The following MCUB variants were observed in gnomAD, a reference collection of about 807,000 sequenced individuals.
MCUB encodes mitochondrial calcium uniporter dominant negative subunit beta, also known as calcium uniporter regulatory subunit MCUb, mitochondrial.
MCUB carries 46 observed loss-of-function variants against 41.4 expected under a neutral mutation model. The observed-to-expected ratio is 1.11, with a 90% CI of 0.88 to 1.42. The LOEUF (loss-of-function observed/expected upper bound fraction) is 1.42. Among genes scored for constraint, MCUB ranks in the 40% most tolerant of loss-of-function variants. The pLI, the probability that MCUB is intolerant of heterozygous loss-of-function variation, is 0.00. For missense variants in MCUB, 403 were observed against 404.9 expected, an observed-to-expected ratio of 1.00 and a Z score of 0.04; for synonymous variants, 148 against 148.2, an observed-to-expected ratio of 1.00 and a Z score of 0.01.
In MCUB at chr4:109,571,690, A is replaced by G. The variant is rs141810683; in HGVS notation, c.99+11254A>G. ...ACAGGTCAAGCAGTAGCTCTGCTCC[A>G]CACAGTCATTCAGGGAGCTAAGCTG... On this transcript the variant is annotated intron_variant, in intron 1 of 7. Coordinates refer to ENST00000394650, the MANE Select transcript of MCUB (RefSeq NM_017918.5). Among the ~76,000 whole-genome samples the G allele has an allele frequency of 1.3e-3, 197 of 152,356 alleles. 1 individual carries two copies. Among genetic ancestry groups the G allele is most frequent in the African/African-American group, 4.3e-3 (179 of 41,580 alleles).
At chr4:109,680,967 G>C (rs1729701998) in intron 4 of MCUB, among the ~76,000 whole-genome samples, 1 of 152,152 alleles carries the variant, frequency 6.6e-6, no homozygotes, top group South Asian at 2.1e-4. Flanking sequence ...CCATGGAGGA[G>C]GTGGGATGAG....
At chr4:109,687,153 A>T (rs1451637867) in intron 7 of MCUB, among the ~76,000 whole-genome samples, 2 of 152,072 alleles carry the variant, frequency 1.3e-5, no homozygotes, top group African/African-American at 4.8e-5. Flanking sequence ...CCAGGAGTTC[A>T]AGACCAGCCA....
Position 109,683,429 on chromosome 4 carries a change from C to T in MCUB, c.612+687C>T, listed in dbSNP as rs528770256. ...GAGGGACTTGTTTGGTTTTTTTTATCGTTTACCATTTTAGTTTTTTCTTTA... is the reference window on the plus strand; with the variant it reads ...GAGGGACTTGTTTGGTTTTTTTTATTGTTTACCATTTTAGTTTTTTCTTTA... On this transcript the variant is annotated intron_variant, in intron 5 of 7. Transcript: ENST00000394650. Among the ~76,000 whole-genome samples the T allele has an allele frequency of 1.2e-3, 175 of 151,952 alleles. 1 individual carries two copies. Among genetic ancestry groups the T allele is most frequent in the African/African-American group, 4.0e-3 (165 of 41,462 alleles).
intron 4 of MCUB, among the ~76,000 whole-genome samples, chr4:109,680,137 T>C (rs1729683572): frequency 6.6e-6 from 1 of 152,148 alleles, no homozygotes; most frequent in Non-Finnish European, 1.5e-5. Flanking sequence ...AGACCTGTCT[T>C]CTCAAGGACT....
chr4:109,626,395 A>G (rs1226399357), intron 1 of MCUB, among the ~76,000 whole-genome samples: 1 of 152,234 alleles, frequency 6.6e-6, no homozygotes, highest in African/African-American at 2.4e-5. Flanking sequence ...TTTAATATTC[A>G]GAAATCATGG....
intron 1 of MCUB, among the ~76,000 whole-genome samples, chr4:109,575,232 C>G (rs760192420): frequency 2.0e-5 from 3 of 152,210 alleles, no homozygotes; most frequent in African/African-American, 4.8e-5. Context: ...ATCCCTTGTT[C>G]TGCCCGCTCC....
intron 1 of MCUB, among the ~76,000 whole-genome samples, chr4:109,570,183 C>T (rs899992483): frequency 4.6e-5 from 7 of 152,278 alleles, no homozygotes; most frequent in African/African-American, 1.7e-4. Context: ...TTTGGTACTT[C>T]TGTACTCCCT....
chr4:109,560,619 G>A (rs1404208367), intron 1 of MCUB, among the ~76,000 whole-genome samples, 183 bp downstream of exon 1: 1 of 152,228 alleles, frequency 6.6e-6, no homozygotes, highest in Non-Finnish European at 1.5e-5. Context: ...GGTCACGGAG[G>A]CCTGGGCTGA....
intron 4 of MCUB, among the ~76,000 whole-genome samples, chr4:109,680,209 C>T (rs962790129): frequency 6.6e-6 from 1 of 152,176 alleles, no homozygotes; most frequent in African/African-American, 2.4e-5. Flanking sequence ...ACTCCCAACC[C>T]GTGGGTGCCT....
chr4:109,681,672 G>C (rs76116512), intron 4 of MCUB, among the ~76,000 whole-genome samples: 4 of 152,200 alleles, frequency 2.6e-5, no homozygotes, highest in Non-Finnish European at 5.9e-5. Flanking sequence ...GCACTTAGCC[G>C]TGCAGGAACA....
intron 1 of MCUB, among the ~76,000 whole-genome samples, chr4:109,585,783 G>C (rs1458684587): frequency 6.6e-6 from 1 of 152,198 alleles, no homozygotes; most frequent in East Asian, 1.9e-4. Flanking sequence ...GGCCCCCACT[G>C]TTTTCTGGCT....
intron 1 of MCUB, among the ~76,000 whole-genome samples, chr4:109,608,378 C>T (rs888989687): frequency 6.6e-6 from 1 of 152,116 alleles, no homozygotes; most frequent in Non-Finnish European, 1.5e-5. Context: ...TCTGTTTCTT[C>T]AGGATTTGTC....
intron 1 of MCUB, 24 bp from the exon 2 acceptor site, chr4:109,658,986 AC>A (rs1347973300): frequency 1.4e-5 from 19 of 1,341,238 alleles, no homozygotes; most frequent in Admixed American, 6.0e-5. Flanking sequence ...TTTTAAAAAA[AC>A]AAATTAATTT....
At chr4:109,637,817 A>C (rs112621782) in intron 1 of MCUB, among the ~76,000 whole-genome samples, 1 of 152,232 alleles carries the variant, frequency 6.6e-6, no homozygotes, top group South Asian at 2.1e-4. Context: ...TAATGAATGC[A>C]CCAAAATTTC....
At chr4:109,659,214 G>A (rs1729172812) in intron 2 of MCUB, 128 bp downstream of exon 2, 1 of 625,978 alleles carries the variant, frequency 1.6e-6, no homozygotes, top group African/African-American at 1.8e-5. Flanking sequence ...CACCCTGATT[G>A]GGTTCACTTC....
intron 1 of MCUB, among the ~76,000 whole-genome samples, chr4:109,640,184 A>G (rs1220022758): frequency 6.6e-6 from 1 of 152,258 alleles, no homozygotes; most frequent in African/African-American, 2.4e-5. Context: ...GAATATCTCA[A>G]AGTGCATTAT....
chr4:109,665,407 A>T (rs545979199), intron 4 of MCUB, among the ~76,000 whole-genome samples: 2 of 152,270 alleles, frequency 1.3e-5, no homozygotes, highest in South Asian at 2.1e-4. Context: ...TGGTTTCCTT[A>T]TAGTTGTTTC....
intron 1 of MCUB, among the ~76,000 whole-genome samples, chr4:109,622,821 G>A (rs1187198241): frequency 2.0e-5 from 3 of 152,110 alleles, no homozygotes; most frequent in Non-Finnish European, 4.4e-5. Context: ...CTGTTCCTGG[G>A]TTAGCAATAT....
chr4:109,578,817 C>T (rs1367389085), intron 1 of MCUB, among the ~76,000 whole-genome samples: 1 of 152,094 alleles, frequency 6.6e-6, no homozygotes, highest in East Asian at 1.9e-4. Context: ...TCTCCTCTCT[C>T]TTTTTTGAAG....
Sources: gnomAD v4.1 joint callset for allele counts (sites outside exome capture counted in the v4.1 genomes callset) on GRCh38, gnomAD v4.1.1 for gene constraint, MANE v1.5 for transcripts, NCBI Gene and HGNC (gene_info 2026-07-23, HGNC 2026-07-21) for gene names.